The following NFATC2 variants were observed in gnomAD, a reference collection of about 807,000 sequenced individuals.
NFATC2 encodes the protein nuclear factor of activated T cells 2.
NFATC2 carries 22 observed loss-of-function variants against 87.3 expected under a neutral mutation model. The ratio of observed to expected loss-of-function variants is 0.25; its 90% CI spans 0.18 to 0.36. The LOEUF is 0.36. NFATC2 is among the 10% of genes least tolerant of loss of function. The pLI, the probability that NFATC2 is intolerant of heterozygous loss-of-function variation, is 1.00. For missense variants in NFATC2, 1,149 were observed against 1,259.1 expected, an observed-to-expected ratio of 0.91 and a Z score of 1.32; for synonymous variants, 565 against 542.2, an observed-to-expected ratio of 1.04 and a Z score of -0.58.
intron 5 of NFATC2, among the ~76,000 whole-genome samples, chr20:51,466,531 A>G (rs1484096916): frequency 6.6e-6 from 1 of 151,930 alleles, no homozygotes; most frequent in East Asian, 1.9e-4. Context: ...GAAATAGCTG[A>G]ATTTCCACAG....
chr20:51,488,037 C>T (rs2146568780), intron 3 of NFATC2, among the ~76,000 whole-genome samples: 1 of 152,168 alleles, frequency 6.6e-6, no homozygotes, highest in South Asian at 2.1e-4. Context: ...GAACAAGGGG[C>T]CCGTTCTTAT....
upstream of NFATC2, among the ~76,000 whole-genome samples, chr20:51,543,039 C>T (rs964032182): frequency 1.3e-5 from 2 of 152,200 alleles, no homozygotes; most frequent in Non-Finnish European, 2.9e-5. Flanking sequence ...TGGCCCCACA[C>T]TTTTTCCTGC....
chr20:51,421,559 C>G (rs1011967308), intron 9 of NFATC2, among the ~76,000 whole-genome samples: 1 of 152,156 alleles, frequency 6.6e-6, no homozygotes, highest in Non-Finnish European at 1.5e-5. Context: ...AAGGGAATGG[C>G]GGGGGCTGTG....
intron 9 of NFATC2, among the ~76,000 whole-genome samples, chr20:51,430,417 T>C (rs1227926104): frequency 1.3e-5 from 2 of 152,248 alleles, no homozygotes; most frequent in African/African-American, 4.8e-5. Flanking sequence ...ATTGTGAATG[T>C]AAATTGTTCA....
At chr20:51,494,442 C>T (rs1251325057) in intron 3 of NFATC2, among the ~76,000 whole-genome samples, 1 of 152,144 alleles carries the variant, frequency 6.6e-6, no homozygotes. Context: ...AATTCCCTCA[C>T]ACTTCGCTCT....
At chr20:51,399,941 C>CCCAAA (rs1987814902) in intron 9 of NFATC2, among the ~76,000 whole-genome samples, 2 of 152,222 alleles carry the variant, frequency 1.3e-5, no homozygotes, top group South Asian at 4.1e-4. Context: ...TATCTACCTG[C>CCCAAA]CCAAACTTCA....
chr20:51,391,218 C>G lies in NFATC2; in HGVS notation c.*278G>C. On this transcript the variant is annotated 3_prime_UTR_variant, in exon 11 of 11. Transcript: ENST00000371564. ...AACATAAACCGAAAAGAAGAGTTCT[C>G]TCTGGTGTTTAGAGGGAGGTGGCGA... The G allele has an allele frequency of 1.4e-6, 1 of 730,522 alleles. No homozygotes were observed. The highest frequency in any genetic ancestry group is 2.5e-6 in the Non-Finnish European group (1 of 397,096). The allele number at this position is 730,522 out of a possible 1,614,324, so 45.3% of individuals were successfully genotyped here. A position where few individuals can be genotyped will look rare whatever the true frequency, so the allele number is the denominator to read the frequency against.
intron 3 of NFATC2, among the ~76,000 whole-genome samples, chr20:51,504,791 A>G (rs1206552705): frequency 3.9e-5 from 6 of 152,156 alleles, no homozygotes; most frequent in Admixed American, 3.9e-4. Flanking sequence ...CCATTTATGC[A>G]TGGAATGCAC....
chr20:51,472,136 T>C (rs1472967827), intron 5 of NFATC2, among the ~76,000 whole-genome samples: 2 of 152,154 alleles, frequency 1.3e-5, no homozygotes, highest in African/African-American at 4.8e-5. Context: ...GTGCCTGTAA[T>C]CCCAGTTACT....
chr20:51,413,005 C>A (rs7272990), intron 9 of NFATC2, among the ~76,000 whole-genome samples: 1,875 of 137,274 alleles, frequency 0.014, 76 homozygotes, highest in African/African-American at 0.049. Context: ...CGCCCCCCCC[C>A]CTCCCCGCCA....
chr20:51,418,750 C>T (rs1980427069), intron 9 of NFATC2, among the ~76,000 whole-genome samples: 1 of 150,580 alleles, frequency 6.6e-6, no homozygotes, highest in Non-Finnish European at 1.5e-5. Context: ...GCAACCTCTG[C>T]CTCCCAGGTT....
At chr20:51,450,858 T>G (rs1288698277) in intron 6 of NFATC2, among the ~76,000 whole-genome samples, 1 of 152,190 alleles carries the variant, frequency 6.6e-6, no homozygotes, top group East Asian at 1.9e-4. Flanking sequence ...TTTTCCTGCC[T>G]TCAAGAGGTA....
chr20:51,463,224 G>A (rs1033884627), intron 5 of NFATC2, among the ~76,000 whole-genome samples: 1 of 152,244 alleles, frequency 6.6e-6, no homozygotes, highest in Non-Finnish European at 1.5e-5. Context: ...TCCCTGGGAA[G>A]TGGGAGAGTG....
At position 51,553,471 on chromosome 20, in the gene NFATC2, CG is replaced by C. The variant is rs557148351; in HGVS notation, c.70+9088del. 1.6e-3 allele frequency among the ~76,000 whole-genome samples: 249 copies of C among 152,086 alleles called. 2 individuals carry two copies. The highest frequency in any genetic ancestry group is 5.6e-3 in the African/African-American group (234 of 41,470). On this transcript the variant is annotated intron_variant, in intron 1 of 10. Coordinates refer to the NFATC2 transcript ENST00000414705. ...TGGGCGGATCACGAGGTCAGGAGAT[CG>C]AGACCATCCTGGCTAACACGGTGAA...
chr20:51,491,858 A>C (rs1318352786), intron 3 of NFATC2, among the ~76,000 whole-genome samples: 324 of 105,766 alleles, frequency 3.1e-3, no homozygotes, highest in African/African-American at 4.3e-3. Flanking sequence ...CCCCACCCCC[A>C]CCAACACACA....
rs371601887 is a variant in NFATC2, at chr20:51,561,449, AAG to A, written c.70+1109_70+1110del. Among the ~76,000 whole-genome samples the A allele has an allele frequency of 2.2e-3, 237 of 107,668 alleles. 2 individuals carry two copies. The highest frequency in any genetic ancestry group is 7.9e-3 in the African/African-American group (225 of 28,442). The allele number at this position is 107,668 out of a possible 152,430, so 70.6% of individuals were successfully genotyped here. A position where few individuals can be genotyped will look rare whatever the true frequency, so the allele number is the denominator to read the frequency against. On this transcript the variant is annotated intron_variant, in intron 1 of 10. Transcript: ENST00000414705. Reference sequence around the variant, plus strand: ...GAGAAAGAAAAGAAAGAAAGAAAGAAAGAAAGAAAGAAAGAAAGAAAGAAAGA... The same window carrying A: ...GAGAAAGAAAAGAAAGAAAGAAAGAAAAAGAAAGAAAGAAAGAAAGAAAGA...
At chr20:51,457,020 G>A (rs946899251) in intron 5 of NFATC2, among the ~76,000 whole-genome samples, 33 of 152,180 alleles carry the variant, frequency 2.2e-4, no homozygotes, top group Non-Finnish European at 4.7e-4. Flanking sequence ...CCAGAGACCC[G>A]CCTGCCAGCG....
Position 51,432,332 on chromosome 20 carries a change from C to T in NFATC2, c.2457G>A (p.Gln819=), listed in dbSNP as rs1982857132. 1.9e-6 allele frequency: 3 copies of T among 1,614,166 alleles called. No individual in the cohort carries two copies. The highest frequency in any genetic ancestry group is 1.7e-5 in the Admixed American group (1 of 60,022). Residue 819 remains glutamine, a synonymous_variant, in exon 9 of 11, where the codon CAG becomes CAA. Transcript: ENST00000371564. The surrounding 1 kb of genome is among the most constrained non-coding windows in gnomAD (Gnocchi z 4.6). ...ACTCCTGGTGGCTTCCGCAGCGCAG[C>T]TGCTGGTTGGTGGGTGAGTAGTGGA... ...PVIHYSPTNQ[Q]LRCGSHQEFQ...
chr20:51,495,519 T>A (rs553078591), intron 3 of NFATC2, among the ~76,000 whole-genome samples: 1 of 152,382 alleles, frequency 6.6e-6, no homozygotes, highest in Non-Finnish European at 1.5e-5. Flanking sequence ...CTTGTTGATG[T>A]GTGAGTACAG....
Sources: gnomAD v4.1 joint callset for allele counts (sites outside exome capture counted in the v4.1 genomes callset) on GRCh38, gnomAD v4.1.1 for gene constraint, Gnocchi (gnomAD v3.1) non-coding constraint, MANE v1.5 for transcripts, NCBI Gene and HGNC (gene_info 2026-07-23, HGNC 2026-07-21) for gene names.